The following LPO variants were observed in gnomAD, a reference collection of about 807,000 sequenced individuals.
LPO encodes lactoperoxidase.
LPO carries 70 observed loss-of-function variants against 68.4 expected under a neutral mutation model. The observed-to-expected ratio is 1.02, with a 90% CI of 0.84 to 1.25. LPO has a LOEUF of 1.25. Ranked by LOEUF, LPO falls within the 50% of genes most tolerant of loss-of-function variation. The pLI is 0.00. For synonymous variants in LPO, 360 were observed against 357.6 expected (o/e 1.01, Z -0.08); for missense variants, 873 against 908.4 (o/e 0.96, Z 0.50).
intron 5 of LPO, 119 bp from the exon 6 acceptor site, chr17:58,249,447 A>G (rs1184831259): frequency 1.7e-5 from 24 of 1,411,590 alleles, no homozygotes; most frequent in Non-Finnish European, 2.2e-5. Context: ...CAAATTTGAG[A>G]GGCCCCCTTC....
At chr17:58,248,077 C>T (rs527519971) in intron 4 of LPO, among the ~76,000 whole-genome samples, 67 of 152,310 alleles carry the variant, frequency 4.4e-4, no homozygotes, top group African/African-American at 1.6e-3. Context: ...AGATTTCCAT[C>T]GTGTTCTGGG....
chr17:58,252,198 C>T lies in LPO; in HGVS notation c.797C>T (p.Pro266Leu), dbSNP rs138615129. Reference protein sequence around the residue: ...CFPIMFPPNDPKAGTQGKCMP... With the variant: ...CFPIMFPPNDLKAGTQGKCMP... ...TCTCTGCAGTTCCCACCCAATGACC[C>T]CAAGGCGGGGACTCAAGGGAAATGC... The change falls in exon 8 of 13, where the codon CCC (proline) becomes CTC (leucine). Residue 266 changes from proline to leucine, a missense_variant. Transcript: ENST00000262290. 1.3e-4 allele frequency: 211 copies of T among 1,614,100 alleles called. No homozygotes were observed. The highest frequency in any genetic ancestry group is 1.7e-4 in the Non-Finnish European group (203 of 1,179,982).
chr17:58,254,148 GATAT>G (rs1555605279), intron 8 of LPO, among the ~76,000 whole-genome samples: 3,072 of 95,284 alleles, frequency 0.032, 69 homozygotes, highest in African/African-American at 0.078. Context: ...TAGATATATA[GATAT>G]ATAGATAGAT....
In LPO at chr17:58,244,905, C is replaced by T. The variant is rs549069674; in HGVS notation, c.164+824C>T. Among the ~76,000 whole-genome samples, 20 of 152,310 alleles carry T rather than the reference C, an allele frequency of 1.3e-4. 1 individual carries two copies. In the South Asian group the frequency reaches 2.7e-3, roughly 21 times the overall value. On this transcript the variant is annotated intron_variant, in intron 3 of 12. Transcript: ENST00000262290. ...GCCCTCCGATCCTGTACAGGGGCAA[C>T]GTGGGCGCCTTCCCTCAGGAAACGC...
intron 10 of LPO, 104 bp downstream of exon 10, chr17:58,265,078 T>C (rs1016145917): frequency 1.0e-5 from 15 of 1,453,762 alleles, no homozygotes; most frequent in Non-Finnish European, 1.3e-5. Context: ...TTACATGACC[T>C]TGGGCAAATG....
At chr17:58,241,238 G>A (rs984229517) in intron 1 of LPO, among the ~76,000 whole-genome samples, 1 of 148,754 alleles carries the variant, frequency 6.7e-6, no homozygotes, top group Non-Finnish European at 1.5e-5. Flanking sequence ...AGTCTCCCGA[G>A]TAGCTGGAAT....
intron 3 of LPO, among the ~76,000 whole-genome samples, chr17:58,245,175 T>C (rs944864824): frequency 1.3e-5 from 2 of 152,208 alleles, no homozygotes; most frequent in Non-Finnish European, 2.9e-5. Context: ...AGACCTGCTC[T>C]ATTCCTTCAG....
chr17:58,253,264 A>T (rs1445278156), intron 8 of LPO, among the ~76,000 whole-genome samples: 1 of 152,056 alleles, frequency 6.6e-6, no homozygotes, highest in Admixed American at 6.6e-5. Flanking sequence ...TTCTTCTATG[A>T]CGTGATTTTT....
At chr17:58,240,985 A>C (rs751127396) in intron 1 of LPO, among the ~76,000 whole-genome samples, 1 of 152,202 alleles carries the variant, frequency 6.6e-6, no homozygotes, top group Non-Finnish European at 1.5e-5. Context: ...CAGTTTTTAC[A>C]GGATGAAAAT....
chr17:58,257,106 G>A (rs1970088155), intron 9 of LPO, among the ~76,000 whole-genome samples: 1 of 133,442 alleles, frequency 7.5e-6, no homozygotes, highest in Non-Finnish European at 1.5e-5. Context: ...GCTGATTTTT[G>A]TATTTTTAGT....
chr17:58,249,828 C>A, intron 6 of LPO, 133 bp downstream of exon 6: 1 of 1,284,160 alleles, frequency 7.8e-7, no homozygotes, highest in East Asian at 2.8e-5. Context: ...TGCACAGACC[C>A]CCACCTTCCG....
In LPO at chr17:58,244,100, C is replaced by G; in HGVS notation, c.164+19C>G. On this transcript the variant is annotated intron_variant, in intron 3 of 12. Transcript: ENST00000262290. Reference sequence around the variant, plus strand: ...GAACCAGGTACGTGAGACACACACACACACACACACACACACACACACACA... The same window carrying G: ...GAACCAGGTACGTGAGACACACACAGACACACACACACACACACACACACA... 1 of 1,176,850 alleles carries G rather than the reference C, an allele frequency of 8.5e-7. No individual in the cohort carries two copies. The highest frequency in any genetic ancestry group is 1.2e-6 in the Non-Finnish European group (1 of 823,532). 72.9% of individuals were successfully genotyped at this position (1,176,850 alleles called of 1,614,324 possible).
At chr17:58,267,634 G>A in intron 12 of LPO, 48 bp downstream of exon 12, 2 of 1,541,996 alleles carry the variant, frequency 1.3e-6, no homozygotes, top group South Asian at 1.2e-5. Context: ...CCTTCTCCAA[G>A]AGGGGTGTCC....
chr17:58,253,631 CCT>C (rs1219565876), intron 8 of LPO, among the ~76,000 whole-genome samples: 2 of 152,158 alleles, frequency 1.3e-5, no homozygotes, highest in Non-Finnish European at 2.9e-5. Flanking sequence ...CCTCAAACAT[CCT>C]CTCTCTTTGG....
chr17:58,243,343 C>T (rs1969793550), intron 2 of LPO: 1 of 377,980 alleles, frequency 2.6e-6, no homozygotes, highest in East Asian at 5.7e-5. Flanking sequence ...GTCCTCTCCT[C>T]TTCTCATAAA....
chr17:58,245,928 G>A (rs1239213768), intron 3 of LPO, among the ~76,000 whole-genome samples: 1 of 152,196 alleles, frequency 6.6e-6, no homozygotes, highest in African/African-American at 2.4e-5. Context: ...AAATGTGGAG[G>A]AGCCCTTCCC....
intron 1 of LPO, 180 bp from the exon 2 acceptor site, chr17:58,242,798 C>T: frequency 5.2e-6 from 3 of 571,990 alleles, no homozygotes; most frequent in Non-Finnish European, 9.4e-6. Context: ...TCCATCTCTC[C>T]CAGTACCTAG....
chr17:58,258,828 T>G (rs183254503), intron 9 of LPO, among the ~76,000 whole-genome samples: 16 of 152,354 alleles, frequency 1.1e-4, no homozygotes, highest in Non-Finnish European at 1.5e-4. Context: ...GCTGGTAATG[T>G]TGAACATCTT....
chr17:58,254,676 G>A, intron 8 of LPO, 135 bp from the exon 9 acceptor site: 2 of 764,570 alleles, frequency 2.6e-6, no homozygotes, highest in East Asian at 2.7e-5. Flanking sequence ...CTATTCACCT[G>A]ACGGGAAGTA....
Sources: gnomAD v4.1 joint callset for allele counts (sites outside exome capture counted in the v4.1 genomes callset) on GRCh38, gnomAD v4.1.1 for gene constraint, MANE v1.5 for transcripts, NCBI Gene and HGNC (gene_info 2026-07-23, HGNC 2026-07-21) for gene names.